Variants in PARN observed in about 807,000 individuals in gnomAD.
The protein encoded by PARN is poly(A)-specific ribonuclease PARN.
A neutral mutation model predicts 102.8 loss-of-function variants in PARN; 71 were observed. That is an observed-to-expected ratio of 0.69 (90% CI 0.57 to 0.84). The LOEUF (loss-of-function observed/expected upper bound fraction) is 0.84. Among genes scored for constraint, PARN ranks in the 40% least tolerant of loss-of-function variants. PARN has a pLI of 0.00. For synonymous variants in PARN, 261 were observed against 252.9 expected (o/e 1.03, Z -0.30); for missense variants, 782 against 760.9 (o/e 1.03, Z -0.33).
chr16:14,508,231 A>T (rs185565673), intron 21 of PARN, among the ~76,000 whole-genome samples: 6 of 152,210 alleles, frequency 3.9e-5, no homozygotes, highest in African/African-American at 1.4e-4. Flanking sequence ...TACATAGATA[A>T]GACAGACAAA....
intron 18 of PARN, among the ~76,000 whole-genome samples, chr16:14,579,094 C>G (rs1969342776): frequency 6.6e-6 from 1 of 151,824 alleles, no homozygotes; most frequent in Non-Finnish European, 1.5e-5. Flanking sequence ...TCAAGCGATT[C>G]TCCTGCCTTA....
chr16:14,511,064 A>G (rs1965161678), intron 21 of PARN, among the ~76,000 whole-genome samples: 1 of 152,216 alleles, frequency 6.6e-6, no homozygotes, highest in African/African-American at 2.4e-5. Context: ...TGAATACACA[A>G]AATCAGATCA....
intron 21 of PARN, among the ~76,000 whole-genome samples, chr16:14,508,619 G>A (rs1965021991): frequency 6.6e-6 from 1 of 150,868 alleles, no homozygotes; most frequent in African/African-American, 2.4e-5. Context: ...AAGGCTAACA[G>A]ATATATCAAA....
intron 21 of PARN, among the ~76,000 whole-genome samples, chr16:14,547,513 C>T (rs1596636303): frequency 6.6e-6 from 1 of 151,486 alleles, no homozygotes; most frequent in East Asian, 2.0e-4. Context: ...CAAGACCAGC[C>T]GAGCAACATG....
chr16:14,493,470 C>T (rs145553307), intron 21 of PARN, among the ~76,000 whole-genome samples: 1 of 152,198 alleles, frequency 6.6e-6, no homozygotes, highest in Admixed American at 6.5e-5. Flanking sequence ...CCCATGTTGG[C>T]CTCTCAAAGG....
intron 21 of PARN, among the ~76,000 whole-genome samples, chr16:14,531,886 G>T (rs939969236): frequency 7.0e-6 from 1 of 142,910 alleles, no homozygotes; most frequent in African/African-American, 2.6e-5. Flanking sequence ...AAGATAGCAA[G>T]ATCCCATTTC....
chr16:14,476,634 A>G (rs1417135771), intron 22 of PARN, among the ~76,000 whole-genome samples: 2 of 152,228 alleles, frequency 1.3e-5, no homozygotes, highest in African/African-American at 2.4e-5. Flanking sequence ...GTTCAAGACC[A>G]GCCTGGGTAA....
intron 21 of PARN, among the ~76,000 whole-genome samples, chr16:14,513,852 C>T (rs1965323324): frequency 6.6e-6 from 1 of 152,250 alleles, no homozygotes; most frequent in Non-Finnish European, 1.5e-5. Context: ...CCTCTCAAAG[C>T]ACTTTCTACC....
At chr16:14,487,236 T>C (rs144517912) in intron 21 of PARN, among the ~76,000 whole-genome samples, 433 of 152,382 alleles carry the variant, frequency 2.8e-3, no homozygotes, top group Non-Finnish European at 4.7e-3. Flanking sequence ...TGAGGTCTTG[T>C]AGGTAAGCAA....
chr16:14,608,934 G>A lies in PARN; in HGVS notation c.620+124C>T, dbSNP rs747502232. 12 of 632,492 alleles carry A rather than the reference G, an allele frequency of 1.9e-5. No individual in the cohort carries two copies. The East Asian group carries it at 1.9e-4, about 10-fold the overall frequency. The allele number at this position is 632,492 out of a possible 1,614,324, so 39.2% of individuals were successfully genotyped here. A position where few individuals can be genotyped will look rare whatever the true frequency, so the allele number is the denominator to read the frequency against. On this transcript the variant is annotated intron_variant, in intron 8 of 23. Transcript: ENST00000437198. ...ACGCTAAAGTTAGTGTTTAATTCTT[G>A]AGAACATAGCAATAATAAAAAGACC...
intron 21 of PARN, among the ~76,000 whole-genome samples, chr16:14,541,086 T>G (rs531910815): frequency 6.6e-6 from 1 of 151,716 alleles, no homozygotes; most frequent in African/African-American, 2.4e-5. Flanking sequence ...ATCTCAGGGG[T>G]TTGAGACCAG....
chr16:14,527,942 C>T (rs1251017398), intron 21 of PARN, among the ~76,000 whole-genome samples: 1 of 152,210 alleles, frequency 6.6e-6, no homozygotes, highest in East Asian at 1.9e-4. Flanking sequence ...TGGCTGGAAG[C>T]ACATGTTGGG....
At chr16:14,567,657 A>G (rs1012136409) in intron 18 of PARN, among the ~76,000 whole-genome samples, 2 of 152,228 alleles carry the variant, frequency 1.3e-5, no homozygotes, top group African/African-American at 2.4e-5. Context: ...CACCACTGCT[A>G]TAAGTGGCCT....
chr16:14,586,422 A>G (rs1969859814), intron 13 of PARN, 61 bp from the exon 14 acceptor site: 1 of 979,848 alleles, frequency 1.0e-6, no homozygotes, highest in Non-Finnish European at 1.6e-6. Flanking sequence ...ATTAAAAAAC[A>G]TGTAAACAGC....
chr16:14,468,362 A>G (rs1447643488), intron 22 of PARN, among the ~76,000 whole-genome samples: 1 of 152,198 alleles, frequency 6.6e-6, no homozygotes, highest in African/African-American at 2.4e-5. Context: ...TCCCTTTCCT[A>G]TGGTGGGAAA....
intron 21 of PARN, among the ~76,000 whole-genome samples, chr16:14,544,828 A>G (rs1184505242): frequency 6.6e-6 from 1 of 152,210 alleles, no homozygotes; most frequent in African/African-American, 2.4e-5. Context: ...CAATTCTACA[A>G]TCACAGGCGA....
chr16:14,468,878 AATAGATAGATAGATAGATAGATAG>A (rs59011829), intron 22 of PARN, among the ~76,000 whole-genome samples: 29 of 139,620 alleles, frequency 2.1e-4, no homozygotes, highest in Non-Finnish European at 3.0e-4. Context: ...CCCATTACTA[AATAGATAGATAGATAGATAGATAG>A]ATAGATAGAT....
chr16:14,615,184 G>C (rs1016769694), intron 6 of PARN, among the ~76,000 whole-genome samples: 2 of 152,104 alleles, frequency 1.3e-5, no homozygotes, highest in Non-Finnish European at 2.9e-5. Context: ...CATGGGATGA[G>C]GCTTGGTAGT....
At chr16:14,531,451 G>A (rs1174431205) in intron 21 of PARN, among the ~76,000 whole-genome samples, 1 of 151,936 alleles carries the variant, frequency 6.6e-6, no homozygotes, top group Non-Finnish European at 1.5e-5. Context: ...TCTAAATTAG[G>A]AACTAAAGTG....
Sources: allele counts gnomAD v4.1 joint callset (sites outside exome capture counted in the v4.1 genomes callset), GRCh38; gene constraint gnomAD v4.1.1; transcripts MANE v1.5; gene names NCBI Gene and HGNC (gene_info 2026-07-23, HGNC 2026-07-21).